The following IQGAP2 variants were observed in gnomAD, a reference collection of about 807,000 sequenced individuals.
The protein encoded by IQGAP2 is ras GTPase-activating-like protein IQGAP2.
IQGAP2 carries 173 observed loss-of-function variants against 201.3 expected under a neutral mutation model. The ratio of observed to expected loss-of-function variants is 0.86; its 90% CI spans 0.76 to 0.98. The LOEUF (loss-of-function observed/expected upper bound fraction) is 0.98. Among genes scored for constraint, IQGAP2 ranks in the 50% least tolerant of loss-of-function variants. The pLI is 0.00. For missense variants in IQGAP2, 1,687 were observed against 1,864.8 expected (o/e 0.90, Z 1.76); for synonymous variants, 675 against 673.9 (o/e 1.00, Z -0.03).
At chr5:76,626,257 TTTTTC>T (rs1750214082) in intron 13 of IQGAP2, among the ~76,000 whole-genome samples, 1 of 117,048 alleles carries the variant, frequency 8.5e-6, no homozygotes, top group Non-Finnish European at 1.7e-5. Flanking sequence ...CTTTTTCTTT[TTTTTC>T]TTCTTTTCTT....
chr5:76,403,286 A>C lies in IQGAP2; in HGVS notation c.-260A>C. 1 of 330,260 alleles carries C rather than the reference A, an allele frequency of 3.0e-6. No homozygotes were observed. The allele number at this position is 330,260 out of a possible 1,614,324, so 20.5% of individuals were successfully genotyped here. A position where few individuals can be genotyped will look rare whatever the true frequency, so the allele number is the denominator to read the frequency against. On this transcript the variant is annotated 5_prime_UTR_variant, in exon 1 of 36. Coordinates refer to ENST00000274364, the MANE Select transcript of IQGAP2 (RefSeq NM_006633.5). The surrounding 1 kb of genome is among the most constrained non-coding windows in gnomAD (Gnocchi z 4.8). Reference sequence around the variant, plus strand: ...CGGGGCCTGGCTGGAGGAGAAAGGAAACCTGCTGCGGGAGGCGGCGGCGAC... The same window carrying C: ...CGGGGCCTGGCTGGAGGAGAAAGGACACCTGCTGCGGGAGGCGGCGGCGAC...
intron 13 of IQGAP2, 97 bp from the exon 14 acceptor site, chr5:76,627,313 T>C: frequency 1.2e-6 from 1 of 854,004 alleles, no homozygotes; most frequent in East Asian, 2.5e-5. Context: ...TAAGAATTTG[T>C]GGGAATTATG....
chr5:76,447,745 C>T (rs1753482344), intron 1 of IQGAP2, among the ~76,000 whole-genome samples: 3 of 152,040 alleles, frequency 2.0e-5, no homozygotes, highest in South Asian at 4.1e-4. Context: ...CTATGCAGCC[C>T]GTGGGGTACA....
chr5:76,590,254 G>A (rs1411843788), intron 7 of IQGAP2, among the ~76,000 whole-genome samples, 154 bp from the exon 8 acceptor site: 1 of 152,204 alleles, frequency 6.6e-6, no homozygotes, highest in Non-Finnish European at 1.5e-5. Flanking sequence ...AGGTTGTCAG[G>A]TGCTCCATAA....
chr5:76,588,197 T>C (rs1051756056), intron 5 of IQGAP2, among the ~76,000 whole-genome samples: 2 of 152,204 alleles, frequency 1.3e-5, no homozygotes, highest in South Asian at 2.1e-4. Flanking sequence ...CTTTCTCATA[T>C]ATACTATTAC....
At chr5:76,414,479 C>T (rs184906126) in intron 1 of IQGAP2, among the ~76,000 whole-genome samples, 162 of 152,226 alleles carry the variant, frequency 1.1e-3, no homozygotes, top group African/African-American at 3.6e-3. Context: ...CTGTTCTCTA[C>T]TAATGAGTTT....
chr5:76,447,014 G>A (rs1255301977), intron 1 of IQGAP2, among the ~76,000 whole-genome samples: 1 of 152,188 alleles, frequency 6.6e-6, no homozygotes, highest in Non-Finnish European at 1.5e-5. Flanking sequence ...CCTATTTTGC[G>A]ACCAGTTTCC....
intron 25 of IQGAP2, 170 bp downstream of exon 25, chr5:76,673,759 G>C (rs1744562675): frequency 1.3e-6 from 1 of 747,312 alleles, no homozygotes; most frequent in South Asian, 1.8e-5. Flanking sequence ...CTAAAGAAGG[G>C]GCAATACTTC....
chr5:76,699,375 T>G (rs1255768865), intron 33 of IQGAP2: 1 of 152,222 alleles, frequency 6.6e-6, no homozygotes, highest in Non-Finnish European at 1.5e-5. Context: ...TGTTAGTAGA[T>G]TCTTAGGTTG....
chr5:76,475,325 A>T (rs1374623432), intron 2 of IQGAP2, among the ~76,000 whole-genome samples: 1 of 152,222 alleles, frequency 6.6e-6, no homozygotes, highest in African/African-American at 2.4e-5. Context: ...AAGCATTTTC[A>T]TGTGAATTTC....
At chr5:76,636,924 C>T (rs1751176222) in intron 15 of IQGAP2, 110 bp from the exon 16 acceptor site, 1 of 894,628 alleles carries the variant, frequency 1.1e-6, no homozygotes, top group Non-Finnish European at 1.6e-6. Context: ...CTTTGGCTGT[C>T]TGAAGGTTTG....
chr5:76,476,223 G>C (rs1013880950), intron 2 of IQGAP2, among the ~76,000 whole-genome samples: 1 of 152,180 alleles, frequency 6.6e-6, no homozygotes, highest in African/African-American at 2.4e-5. Context: ...CCACCCAGCA[G>C]AGGCAGGCCT....
chr5:76,403,830 C>G lies in IQGAP2; in HGVS notation c.46+239C>G, dbSNP rs1381045785. 3.3e-5 allele frequency among the ~76,000 whole-genome samples: 5 copies of G among 152,122 alleles called. No homozygotes were observed. The East Asian group carries it at 9.7e-4, about 29-fold the overall frequency. On this transcript the variant is annotated intron_variant, in intron 1 of 35. Coordinates refer to ENST00000274364, the MANE Select transcript of IQGAP2 (RefSeq NM_006633.5). This position sits in a 1 kb window ranked among gnomAD's most constrained non-coding sequence, Gnocchi z 4.8. ...CAACCCAGACCCTCCACTCCGCATA[C>G]CCAAACGGGGTGCGCGGGCAGTGCG...
chr5:76,528,873 T>C (rs1327474041), intron 2 of IQGAP2, among the ~76,000 whole-genome samples: 4 of 152,202 alleles, frequency 2.6e-5, no homozygotes, highest in African/African-American at 9.7e-5. Context: ...GGCTATTCTA[T>C]AGACAGGAGT....
At chr5:76,626,441 T>G (rs1304402149) in intron 13 of IQGAP2, among the ~76,000 whole-genome samples, 1 of 151,850 alleles carries the variant, frequency 6.6e-6, no homozygotes, top group East Asian at 1.9e-4. Flanking sequence ...TGGCTAATTT[T>G]TGTATTTTTA....
At position 76,510,551 on chromosome 5, in the gene IQGAP2, G is replaced by A. The variant is rs1045717112; in HGVS notation, c.146+48882G>A. ...GCCATCTGTGCTGGACCCCGCCAAG[G>A]TATAGAGTCTCATGGACACGATCTG... On this transcript the variant is annotated intron_variant, in intron 2 of 35. Coordinates refer to ENST00000274364, the MANE Select transcript of IQGAP2 (RefSeq NM_006633.5). 5.8e-5 allele frequency: 26 copies of A among 447,322 alleles called. No homozygotes were observed. In the Admixed American group the frequency reaches 6.1e-4, roughly 10 times the overall value. 27.7% of individuals were successfully genotyped at this position (447,322 alleles called of 1,614,324 possible).
chr5:76,511,168 TAAAC>T (rs1757937317), intron 2 of IQGAP2, among the ~76,000 whole-genome samples: 1 of 152,364 alleles, frequency 6.6e-6, no homozygotes, highest in South Asian at 2.1e-4. Flanking sequence ...TGCGATGGTT[TAAAC>T]AAACAAGTTT....
At chr5:76,583,940 G>A (rs999736128) in intron 5 of IQGAP2, among the ~76,000 whole-genome samples, 1 of 151,482 alleles carries the variant, frequency 6.6e-6, no homozygotes, top group Non-Finnish European at 1.5e-5. Context: ...TGGCACAATC[G>A]TGGCTCACTG....
Position 76,463,025 on chromosome 5 carries a change from AGGTG to A in IQGAP2, c.146+1359_146+1362del, listed in dbSNP as rs1263125385. Among the ~76,000 whole-genome samples, 3 of 150,518 alleles carry A rather than the reference AGGTG, an allele frequency of 2.0e-5. No individual in the cohort carries two copies. The East Asian group carries it at 6.0e-4, about 30-fold the overall frequency. On this transcript the variant is annotated intron_variant, in intron 2 of 35. Transcript: ENST00000274364. The stretch of plus-strand genomic sequence containing the variant: ...GTGGTCCCAACCACTCCTGAGGCTA[AGGTG>A]GGAGGATCACTTGAGCCTGGGAGGT...
Sources: gnomAD v4.1 joint callset for allele counts (sites outside exome capture counted in the v4.1 genomes callset) on GRCh38, gnomAD v4.1.1 for gene constraint, Gnocchi (gnomAD v3.1) non-coding constraint, MANE v1.5 for transcripts, NCBI Gene and HGNC (gene_info 2026-07-23, HGNC 2026-07-21) for gene names.